COL3A1: variants seen among roughly 807,000 people sequenced by gnomAD.
The protein encoded by COL3A1 is collagen alpha-1(III) chain.
A neutral mutation model predicts 200.9 loss-of-function variants in COL3A1; 46 were observed. The ratio of observed to expected loss-of-function variants is 0.23; its 90% CI spans 0.18 to 0.29. The LOEUF is 0.29. Ranked by LOEUF, COL3A1 falls within the 10% of genes least tolerant of loss-of-function variation. COL3A1 has a pLI of 1.00. For missense variants in COL3A1, 1,367 were observed against 1,917.6 expected, an observed-to-expected ratio of 0.71 and a Z score of 5.36; for synonymous variants, 650 against 628.0, an observed-to-expected ratio of 1.03 and a Z score of -0.52.
chr2:188,986,087 T>C (rs1201309119), intron 4 of COL3A1, among the ~76,000 whole-genome samples: 1 of 152,028 alleles, frequency 6.6e-6, no homozygotes, highest in African/African-American at 2.4e-5. Flanking sequence ...CAAAAAAAAT[T>C]AACCTAAATA....
chr2:188,997,057 GAC>G, intron 24 of COL3A1, 106 bp from the exon 25 acceptor site: 2 of 728,672 alleles, frequency 2.7e-6, no homozygotes, highest in Non-Finnish European at 4.9e-6. Flanking sequence ...ATATATATGA[GAC>G]ATATATATAT....
Position 189,011,713 on chromosome 2 carries a change from A to G in COL3A1, c.4340A>G (p.Tyr1447Cys), listed in dbSNP as rs1407784923. Residue 1447 changes from tyrosine to cysteine, a missense_variant, in exon 51 of 51, where the codon TAT becomes TGT. Physicochemically the swap from Tyr to Cys is radical, Grantham distance 194. This residue lies in a region of COL3A1 where 846 missense variants were observed against 1,147.9 expected (regional missense o/e 0.74). Coordinates refer to ENST00000304636, the MANE Select transcript of COL3A1 (RefSeq NM_000090.4). ...CTACCTATTGTAGATATTGCACCCT[A>G]TGACATTGGTGGTCCTGATCAAGAA... ...VRLPIVDIAP[Y>C]DIGGPDQEFG... The G allele has an allele frequency of 6.2e-7, 1 of 1,613,888 alleles. No homozygotes were observed. The highest frequency in any genetic ancestry group is 8.5e-7 in the Non-Finnish European group (1 of 1,179,902).
chr2:188,979,793 A>C (rs1278895672), intron 1 of COL3A1, among the ~76,000 whole-genome samples: 1 of 151,790 alleles, frequency 6.6e-6, no homozygotes, highest in African/African-American at 2.4e-5. Flanking sequence ...AATAGCAGAA[A>C]GAAAATAGAA....
intron 21 of COL3A1, among the ~76,000 whole-genome samples, 161 bp downstream of exon 21, chr2:188,995,260 G>A (rs1418254698): frequency 2.0e-5 from 3 of 152,038 alleles, no homozygotes; most frequent in Non-Finnish European, 4.4e-5. Flanking sequence ...AACTTTCCTG[G>A]CTTTGTAACT....
rs755731385 is a variant in COL3A1, at chr2:188,994,594, C to T, written c.1347C>T (p.Arg449=). The change falls in exon 19 of 51, where the codon CGC becomes CGT. Residue 449 remains arginine, a splice_region_variant and synonymous_variant. Transcript: ENST00000304636. The surrounding 1 kb of genome is among the most constrained non-coding windows in gnomAD (Gnocchi z 4.5). ...GAGAGCCCGGACCACGTGGTGAACG[C>T]GTAAGTTTTACTGCAACAGATCTGG... ...AKGEPGPRGE[R]GEAGIPGVPG... is the part of the protein sequence containing the mutation. The T allele has an allele frequency of 9.9e-6, 16 of 1,614,044 alleles. No homozygotes were observed. The highest frequency in any genetic ancestry group is 4.4e-5 in the South Asian group (4 of 91,080).
At chr2:188,990,062 T>C (rs1688153700) in intron 8 of COL3A1, 34 bp from the exon 9 acceptor site, 3 of 1,601,022 alleles carry the variant, frequency 1.9e-6, no homozygotes, top group East Asian at 2.2e-5. Context: ...TTCTCATACA[T>C]GAGCACCTAC....
At chr2:188,993,941 A>G in intron 16 of COL3A1, 97 bp from the exon 17 acceptor site, 1 of 1,132,144 alleles carries the variant, frequency 8.8e-7, no homozygotes, top group Non-Finnish European at 1.3e-6. Context: ...ACAAAGCATA[A>G]CACTCATCGA....
Position 189,011,981 on chromosome 2 carries a change from A to T in COL3A1, c.*207A>T, listed in dbSNP as rs535827361. On this transcript the variant is annotated 3_prime_UTR_variant, in exon 51 of 51. Transcript: ENST00000304636. The stretch of plus-strand genomic sequence containing the variant: ...ATACAATTCAAATGCTTTTTGTTTT[A>T]TTTTTTTACCAATTCCAATTTCAAA... The T allele has an allele frequency of 1.7e-6, 1 of 602,536 alleles. No homozygotes were observed. Among genetic ancestry groups the T allele is most frequent in the East Asian group, 2.9e-5 (1 of 34,122 alleles). 37.3% of individuals were successfully genotyped at this position (602,536 alleles called of 1,614,324 possible).
Position 189,003,799 on chromosome 2 carries a change from TTA to T in COL3A1, c.2661+13_2661+14del. On this transcript the variant is annotated intron_variant, in intron 38 of 50. Coordinates refer to ENST00000304636, the MANE Select transcript of COL3A1 (RefSeq NM_000090.4). ...CTCCTGGTAGTAATGTAAGTAATTG[TTA>T]AAGTCTTTTCTCATCATACACTTCA... 6.2e-7 allele frequency: 1 copy of T among 1,613,968 alleles called. No homozygotes were observed. Among genetic ancestry groups the T allele is most frequent in the African/African-American group, 1.3e-5 (1 of 75,040 alleles).
At chr2:189,005,503 T>A (rs756944392) in intron 41 of COL3A1, 46 bp downstream of exon 41, 1 of 1,518,752 alleles carries the variant, frequency 6.6e-7, no homozygotes, top group Admixed American at 1.7e-5. Context: ...ATTTGATAAT[T>A]TATTTCAGCA....
chr2:188,976,145 C>A (rs891413445), intron 1 of COL3A1, among the ~76,000 whole-genome samples: 1 of 152,058 alleles, frequency 6.6e-6, no homozygotes, highest in African/African-American at 2.4e-5. Context: ...CAAATGACTA[C>A]TATCCCCCAC....
intron 7 of COL3A1, among the ~76,000 whole-genome samples, chr2:188,988,880 A>G (rs1467910428): frequency 6.6e-6 from 1 of 151,958 alleles, no homozygotes; most frequent in African/African-American, 2.4e-5. Context: ...TCCACTTCCC[A>G]GAGCTGATAA....
chr2:189,006,091 C>T lies in COL3A1; in HGVS notation c.3040-115C>T, dbSNP rs989495727. ...TTGTAATATCTAAGATTTCTTACCC[C>T]CAAGAACCAATTTTAACCCCCTTGA... On this transcript the variant is annotated intron_variant, in intron 41 of 50. Transcript: ENST00000304636. The T allele has an allele frequency of 2.4e-5, 26 of 1,093,328 alleles. No homozygotes were observed. The African/African-American group carries it at 2.7e-4, about 11-fold the overall frequency. The allele number at this position is 1,093,328 out of a possible 1,614,324, so 67.7% of individuals were successfully genotyped here. A position where few individuals can be genotyped will look rare whatever the true frequency, so the allele number is the denominator to read the frequency against.
chr2:189,010,319 AG>A lies in COL3A1; in HGVS notation c.3966del (p.Lys1323ArgfsTer64), dbSNP rs587779490. The A allele has an allele frequency of 6.2e-7, 1 of 1,614,168 alleles. No individual in the cohort carries two copies. The highest frequency in any genetic ancestry group is 8.5e-7 in the Non-Finnish European group (1 of 1,180,004). ...CACTGGTGGACAGATTCTAGTGCTG[AG>A]AAGAAACACGTTTGGTTTGGAGAGT... ...RKHWWTDSSA[E>X]KKHVWFGESM... On this transcript the variant is annotated frameshift_variant, in exon 49 of 51. Coordinates refer to ENST00000304636, the MANE Select transcript of COL3A1 (RefSeq NM_000090.4). LOFTEE classifies it high-confidence loss of function.
At position 189,004,139 on chromosome 2, in the gene COL3A1, C is replaced by T. The variant is rs1221479337; in HGVS notation, c.2819C>T (p.Pro940Leu). ...GEKGSPGAQG[P>L]PGAPGPLGIA... ...AAGGGATCGCCTGGTGCCCAGGGCC[C>T]ACCAGTAAGTAACTTCATTTTTTTA... The change falls in exon 39 of 51, where the codon CCA becomes CTA. Residue 940 changes from proline to leucine, a missense_variant. By Grantham distance (98) the Pro-to-Leu change is moderately conservative (BLOSUM62 -3). Around this residue, in one of 5 missense-constraint regions of COL3A1, gnomAD observed 846 missense variants for 1,147.9 expected, o/e 0.74. Coordinates refer to ENST00000304636, the MANE Select transcript of COL3A1 (RefSeq NM_000090.4). 2.5e-6 allele frequency: 4 copies of T among 1,613,846 alleles called. 1 individual carries two copies. Among genetic ancestry groups the T allele is most frequent in the East Asian group, 2.2e-5 (1 of 44,882 alleles).
intron 34 of COL3A1, among the ~76,000 whole-genome samples, chr2:189,001,935 A>G (rs1047960707): frequency 1.4e-4 from 22 of 152,194 alleles, no homozygotes; most frequent in African/African-American, 5.3e-4. Flanking sequence ...TTCAGGATTT[A>G]AGACTCTGGA....
At chr2:189,011,014 T>C (rs1688713394) in intron 50 of COL3A1, 124 bp downstream of exon 50, 1 of 1,247,682 alleles carries the variant, frequency 8.0e-7, no homozygotes. Context: ...TTGGTATGAA[T>C]TACATACATT....
At chr2:188,986,946 C>T in intron 4 of COL3A1, 113 bp from the exon 5 acceptor site, 5 of 889,804 alleles carry the variant, frequency 5.6e-6, no homozygotes, top group Non-Finnish European at 7.4e-6. Flanking sequence ...CATCTTTTGG[C>T]ACACAAAAAC....
chr2:189,003,921 AAAAG>A (rs1688527098), intron 38 of COL3A1, 57 bp from the exon 39 acceptor site: 2 of 1,565,172 alleles, frequency 1.3e-6, no homozygotes, highest in East Asian at 2.4e-5. Flanking sequence ...AGTAAGTAAA[AAAAG>A]AAAGAAAAAA....
Sources: gnomAD v4.1 joint callset for allele counts (sites outside exome capture counted in the v4.1 genomes callset) on GRCh38, gnomAD v4.1.1 for gene constraint, gnomAD v4.1.1 regional missense constraint, Gnocchi (gnomAD v3.1) non-coding constraint, MANE v1.5 for transcripts, NCBI Gene and HGNC (gene_info 2026-07-23, HGNC 2026-07-21) for gene names.